Variants in PWWP2A observed in about 807,000 individuals in gnomAD.
PWWP2A encodes the protein PWWP domain-containing protein 2A.
In PWWP2A, 18 loss-of-function variants were observed where a neutral mutation model predicts 48.5. The ratio of observed to expected loss-of-function variants is 0.37; its 90% CI spans 0.26 to 0.55. The LOEUF (loss-of-function observed/expected upper bound fraction) is 0.55. Among genes scored for constraint, PWWP2A ranks in the 20% least tolerant of loss-of-function variants. The probability of loss-of-function intolerance (pLI) is 0.81; values close to 1 mark genes in which losing one functional copy is unlikely to be tolerated. For synonymous variants in PWWP2A, 396 were observed against 387.7 expected, an observed-to-expected ratio of 1.02 and a Z score of -0.25; for missense variants, 867 against 976.4, an observed-to-expected ratio of 0.89 and a Z score of 1.49.
intron 2 of PWWP2A, among the ~76,000 whole-genome samples, chr5:160,070,652 CCATGTCTAAATGT>C (rs570852696): frequency 1.3e-5 from 2 of 152,240 alleles, no homozygotes; most frequent in African/African-American, 4.8e-5. Context: ...CAGTGTTATA[CCATGTCTAAATGT>C]GGAGGCTGGG....
At chr5:160,088,560 T>C (rs1754826008), downstream of PWWP2A, among the ~76,000 whole-genome samples, 1 of 152,192 alleles carries the variant, frequency 6.6e-6, no homozygotes, top group South Asian at 2.1e-4. Flanking sequence ...ATATCCGGCA[T>C]TTTTTAAGAG....
At chr5:160,098,869 G>A (rs1253257878) in intron 1 of PWWP2A, among the ~76,000 whole-genome samples, 3 of 152,186 alleles carry the variant, frequency 2.0e-5, no homozygotes, top group Non-Finnish European at 4.4e-5. Context: ...TCAGGAGGCC[G>A]AGGTTGCAGT....
chr5:160,053,655 T>G, the PWWP2A span, among the ~76,000 whole-genome samples: 1 of 152,184 alleles, frequency 6.6e-6, no homozygotes, highest in Non-Finnish European at 1.5e-5. Context: ...GCTTTCAGAG[T>G]CTTTTGTGGT....
chr5:160,049,536 T>C, the PWWP2A span: 3 of 1,580,360 alleles, frequency 1.9e-6, no homozygotes, highest in Non-Finnish European at 2.6e-6. Flanking sequence ...ACCCCAGCTA[T>C]ATCAGGGCAA....
At chr5:160,073,390 G>A (rs1488452464), downstream of PWWP2A, among the ~76,000 whole-genome samples, 5 of 151,748 alleles carry the variant, frequency 3.3e-5, no homozygotes, top group East Asian at 2.0e-4. Flanking sequence ...CACCACGCCC[G>A]GCTAATTTTT....
intron 1 of PWWP2A, among the ~76,000 whole-genome samples, chr5:160,108,126 T>A (rs1032806079): frequency 4.7e-5 from 7 of 148,414 alleles, no homozygotes; most frequent in African/African-American, 1.7e-4. Context: ...GTTACAGGAT[T>A]ATTTTTTTTT....
chr5:160,101,965 C>A (rs1460153061), intron 1 of PWWP2A, among the ~76,000 whole-genome samples: 1 of 151,486 alleles, frequency 6.6e-6, no homozygotes, highest in East Asian at 1.9e-4. Context: ...CAAAAAGTAG[C>A]CGGGCGTGGT....
At chr5:160,079,935 C>G (rs370632338) in intron 3 of PWWP2A, among the ~76,000 whole-genome samples, 1 of 152,140 alleles carries the variant, frequency 6.6e-6, no homozygotes, top group South Asian at 2.1e-4. Flanking sequence ...TGTACAAACA[C>G]CAGAGGGTTA....
chr5:160,071,831 C>T (rs116864981), downstream of PWWP2A, among the ~76,000 whole-genome samples: 444 of 152,296 alleles, frequency 2.9e-3, 17 homozygotes, highest in East Asian at 0.073. Context: ...TCTGTGATCA[C>T]TTCCCTTCAT....
At position 160,077,290 on chromosome 5, in the gene PWWP2A, G is replaced by C. The variant is rs892230141; in HGVS notation, c.*865C>G. 6.6e-6 allele frequency: 1 copy of C among 152,130 alleles called. No homozygotes were observed. The highest frequency in any genetic ancestry group is 2.4e-5 in the African/African-American group (1 of 41,426). 9.4% of individuals were successfully genotyped at this position (152,130 alleles called of 1,614,324 possible). A position where few individuals can be genotyped will look rare whatever the true frequency, so the allele number is the denominator to read the frequency against. On this transcript the variant is annotated 3_prime_UTR_variant, in exon 4 of 4. Coordinates refer to the PWWP2A transcript ENST00000456329. The surrounding 1 kb of genome is among the most constrained non-coding windows in gnomAD (Gnocchi z 4.2). ...AGACGTTGTCACCTTTTTTGAACTA[G>C]ATAAAACCAGTAAGGATACAGACAA...
chr5:160,064,360 C>T (rs779372648), intron 4 of PWWP2A, among the ~76,000 whole-genome samples: 1 of 152,176 alleles, frequency 6.6e-6, no homozygotes, highest in Non-Finnish European at 1.5e-5. Context: ...CTGTGCAAAT[C>T]AAGATGATCC....
At chr5:160,089,556 A>G (rs1754903609), downstream of PWWP2A, 2 of 1,287,898 alleles carry the variant, frequency 1.6e-6, no homozygotes, top group African/African-American at 1.5e-5. Context: ...TCTGTAAATG[A>G]GAGTTGAATG....
chr5:160,095,677 C>T (rs1273358892), intron 1 of PWWP2A, among the ~76,000 whole-genome samples: 1 of 144,104 alleles, frequency 6.9e-6, no homozygotes, highest in African/African-American at 2.6e-5. Context: ...TCAGATTCTC[C>T]GAAATGTTCT....
At chr5:160,109,651 G>A (rs73314930) in intron 1 of PWWP2A, among the ~76,000 whole-genome samples, 1,622 of 150,652 alleles carry the variant, frequency 0.011, 27 homozygotes, top group African/African-American at 0.038. Context: ...AACAAGGAGA[G>A]GCTTTGAAGA....
chr5:160,101,818 A>G (rs1315718604), intron 1 of PWWP2A, among the ~76,000 whole-genome samples: 1 of 151,966 alleles, frequency 6.6e-6, no homozygotes, highest in African/African-American at 2.4e-5. Context: ...AAAAAAAAAA[A>G]AAAAATGCGT....
At chr5:160,090,202 T>C, downstream of PWWP2A, 1 of 985,296 alleles carries the variant, frequency 1.0e-6, no homozygotes, top group African/African-American at 1.7e-5. Flanking sequence ...CCATGGCTTC[T>C]GAAACAAATC....
At chr5:160,089,519 G>A (rs148389364), downstream of PWWP2A, 6 of 1,280,658 alleles carry the variant, frequency 4.7e-6, no homozygotes, top group African/African-American at 3.1e-5. Context: ...GCCTCTCACA[G>A]ATAATTGTTT....
chr5:160,097,802 G>A (rs1046759631), intron 1 of PWWP2A, among the ~76,000 whole-genome samples: 8 of 141,438 alleles, frequency 5.7e-5, no homozygotes, highest in African/African-American at 1.3e-4. Flanking sequence ...TGCAACCACC[G>A]CCTCCTGGGT....
intron 2 of PWWP2A, among the ~76,000 whole-genome samples, chr5:160,085,897 C>T (rs1754599475): frequency 6.6e-6 from 1 of 151,958 alleles, no homozygotes. Flanking sequence ...TGGCTCACTG[C>T]AACCTCTGCC....
Sources: allele counts gnomAD v4.1 joint callset (sites outside exome capture counted in the v4.1 genomes callset), GRCh38; gene constraint gnomAD v4.1.1; non-coding constraint Gnocchi (gnomAD v3.1); transcripts MANE v1.5; gene names NCBI Gene and HGNC (gene_info 2026-07-23, HGNC 2026-07-21).